RBM33: variants seen among roughly 807,000 people sequenced by gnomAD.
The protein encoded by RBM33 is RNA binding motif protein 33.
Under a neutral mutation model 132.6 loss-of-function variants are expected in RBM33, and 28 were observed. The observed-to-expected ratio is 0.21, with a 90% confidence interval of 0.16 to 0.29. The LOEUF is 0.29. Among genes scored for constraint, RBM33 ranks in the 10% least tolerant of loss-of-function variants. RBM33 has a pLI of 1.00. For missense variants in RBM33, 1,291 were observed against 1,518.5 expected, an observed-to-expected ratio of 0.85 and a Z score of 2.49; for synonymous variants, 634 against 593.0, an observed-to-expected ratio of 1.07 and a Z score of -1.01.
chr7:155,759,668 C>T (rs189803118), intron 14 of RBM33, among the ~76,000 whole-genome samples: 1 of 152,284 alleles, frequency 6.6e-6, no homozygotes, highest in African/African-American at 2.4e-5. Context: ...ATCCACCCGC[C>T]TCGGCCTCCC....
In RBM33 at chr7:155,737,668, G is replaced by A; in HGVS notation, c.1393+6G>A. ...AGACCCTTTCTTCTTAGGAGGTACAGAAAGAGTGAGTGGTGTGGAGTAACA... is the reference window on the plus strand; with the variant it reads ...AGACCCTTTCTTCTTAGGAGGTACAAAAAGAGTGAGTGGTGTGGAGTAACA... On this transcript the variant is annotated splice_donor_region_variant and intron_variant, in intron 10 of 17. Transcript: ENST00000401878. 6.4e-7 allele frequency: 1 copy of A among 1,572,284 alleles called. No homozygotes were observed. The highest frequency in any genetic ancestry group is 1.2e-5 in the South Asian group (1 of 83,208).
intron 14 of RBM33, among the ~76,000 whole-genome samples, chr7:155,757,663 GTA>G (rs1333710670): frequency 6.6e-6 from 1 of 152,164 alleles, no homozygotes; most frequent in African/African-American, 2.4e-5. Context: ...TTAGGGAGGT[GTA>G]TTAGGCAGTT....
intron 10 of RBM33, 80 bp downstream of exon 10, chr7:155,737,742 T>G: frequency 7.2e-7 from 1 of 1,389,096 alleles, no homozygotes; most frequent in Non-Finnish European, 9.6e-7. Flanking sequence ...TTTTGTAAAC[T>G]GAATTGAACT....
chr7:155,711,298 G>A lies in RBM33; in HGVS notation c.1044G>A (p.Gln348=), dbSNP rs533103882. ...PQPLQPLLPV[Q]HPHHPSPPQG... is the part of the protein sequence containing the mutation. ...CGCTGCAGCCGCTGCTTCCGGTGCA[G>A]CACCCGCACCACCCATCCCCGCCTC... is the stretch of plus-strand genomic sequence containing the variant. The change falls in exon 8 of 18, where the codon CAG becomes CAA. Residue 348 remains glutamine, a synonymous_variant. Transcript: ENST00000401878. 1.9e-5 allele frequency: 31 copies of A among 1,606,886 alleles called. No homozygotes were observed. The African/African-American group carries it at 3.4e-4, about 17-fold the overall frequency.
chr7:155,759,959 G>A (rs1202657024), intron 14 of RBM33, among the ~76,000 whole-genome samples: 2 of 152,186 alleles, frequency 1.3e-5, no homozygotes, highest in Non-Finnish European at 2.9e-5. Context: ...GACACTTCAT[G>A]TTGCTGGGCT....
In RBM33 at chr7:155,724,988, G is replaced by GTTTTTTTTTT. The variant is rs148975210; in HGVS notation, c.1260+6548_1260+6549insTTTTTTTTTT. Among the ~76,000 whole-genome samples the GTTTTTTTTTT allele has an allele frequency of 1.4e-3, 169 of 117,206 alleles. 1 individual carries two copies. The highest frequency in any genetic ancestry group is 6.8e-3 in the African/African-American group (165 of 24,268). 76.9% of individuals were successfully genotyped at this position (117,206 alleles called of 152,430 possible). A position where few individuals can be genotyped will look rare whatever the true frequency, so the allele number is the denominator to read the frequency against. On this transcript the variant is annotated intron_variant, in intron 9 of 17. Transcript: ENST00000401878. ...AGTTGCTGTAAACATTTGTGTACAG[G>GTTTTTTTTTT]TTTGTGTGTGTGTGTGTGTGTGTGT...
chr7:155,706,380 G>A (rs2116968094), intron 6 of RBM33, among the ~76,000 whole-genome samples: 1 of 152,296 alleles, frequency 6.6e-6, no homozygotes, highest in Middle Eastern at 3.4e-3. Flanking sequence ...TGTAGTCCCA[G>A]CTACTTGGGA....
chr7:155,691,552 A>T (rs115109808), intron 5 of RBM33, among the ~76,000 whole-genome samples: 87 of 152,254 alleles, frequency 5.7e-4, no homozygotes, highest in African/African-American at 1.8e-3. Flanking sequence ...TAATATTTGT[A>T]GCATATCTTA....
At chr7:155,761,537 T>G (rs11767952) in intron 14 of RBM33, among the ~76,000 whole-genome samples, 10,369 of 152,310 alleles carry the variant, frequency 0.068, 566 homozygotes, top group African/African-American at 0.15. Context: ...TGTGTCTCGT[T>G]GAATTTGCTC....
At position 155,778,904 on chromosome 7, in the gene RBM33, G is replaced by A; in HGVS notation, c.*3863G>A. On this transcript the variant is annotated 3_prime_UTR_variant, in exon 18 of 18. Coordinates refer to ENST00000401878, the MANE Select transcript of RBM33 (RefSeq NM_053043.3). The surrounding 1 kb of genome is among the most constrained non-coding windows in gnomAD (Gnocchi z 4.0). ...GACAAGGAGGTCAGCGTGTGTGATGGCAGCATGCTGTGCCGGCACATCGTG... is the reference window on the plus strand; with the variant it reads ...GACAAGGAGGTCAGCGTGTGTGATGACAGCATGCTGTGCCGGCACATCGTG... 1 of 153,166 alleles carries A rather than the reference G, an allele frequency of 6.5e-6. No individual in the cohort carries two copies. The allele number at this position is 153,166 out of a possible 1,614,324, so 9.5% of individuals were successfully genotyped here.
intron 9 of RBM33, among the ~76,000 whole-genome samples, chr7:155,737,245 C>CATAT (rs35173349): frequency 2.0e-5 from 3 of 149,154 alleles, no homozygotes; most frequent in Admixed American, 2.0e-4. Flanking sequence ...TCTAGGTGCG[C>CATAT]GTGTGTGTGT....
chr7:155,731,004 T>TTTC (rs59411221), intron 9 of RBM33, among the ~76,000 whole-genome samples: 49,912 of 151,922 alleles, frequency 0.33, 10,969 homozygotes, highest in African/African-American at 0.63. Flanking sequence ...AGTCTTTGAG[T>TTTC]TTCTTCTAAT....
intron 6 of RBM33, among the ~76,000 whole-genome samples, chr7:155,703,360 T>C (rs1800020989): frequency 6.6e-6 from 1 of 152,130 alleles, no homozygotes; most frequent in Non-Finnish European, 1.5e-5. Context: ...CTTGGAATTA[T>C]GGGGGAAGAG....
chr7:155,688,646 G>T (rs932751064), intron 5 of RBM33, among the ~76,000 whole-genome samples: 1 of 152,106 alleles, frequency 6.6e-6, no homozygotes, highest in Non-Finnish European at 1.5e-5. Flanking sequence ...TTTGAGATAC[G>T]TCCCATCAAT....
chr7:155,761,942 A>G (rs1440841653), intron 14 of RBM33, among the ~76,000 whole-genome samples: 1 of 151,908 alleles, frequency 6.6e-6, no homozygotes, highest in African/African-American at 2.4e-5. Context: ...GATGTGTTGT[A>G]TTTTTGTTTC....
chr7:155,767,502 A>G (rs1802264803), intron 16 of RBM33, among the ~76,000 whole-genome samples: 2 of 152,222 alleles, frequency 1.3e-5, no homozygotes, highest in Non-Finnish European at 2.9e-5. Flanking sequence ...TCATGGGTGG[A>G]TTTGGAAACA....
chr7:155,749,326 T>C (rs1044936697), intron 14 of RBM33, among the ~76,000 whole-genome samples: 4 of 152,196 alleles, frequency 2.6e-5, no homozygotes, highest in South Asian at 4.1e-4. Flanking sequence ...GTGTTTAGCA[T>C]GTACTCACAA....
chr7:155,742,354 G>A (rs142140448), intron 13 of RBM33, among the ~76,000 whole-genome samples: 275 of 151,704 alleles, frequency 1.8e-3, no homozygotes, highest in African/African-American at 6.0e-3. Flanking sequence ...GATATATACC[G>A]GGGCTTAACA....
rs34693646 is a variant in RBM33 at position 155,651,582 on chromosome 7, C to CAAAAAAAA, written c.43+6676_43+6683dup. 4.2e-5 allele frequency among the ~76,000 whole-genome samples: 4 copies of CAAAAAAAA among 94,568 alleles called. 2 individuals are homozygous for CAAAAAAAA. Among genetic ancestry groups the CAAAAAAAA allele is most frequent in the African/African-American group, 8.9e-5 (2 of 22,530 alleles). 62.0% of individuals were successfully genotyped at this position (94,568 alleles called of 152,430 possible). ...GCAACAGGGAAACTCTTTGTCTCACCAAAAAAAAAAAAAAAAAAAAGGGTC... is the reference window on the plus strand; with the variant it reads ...GCAACAGGGAAACTCTTTGTCTCACCAAAAAAAAAAAAAAAAAAAAAAAAAAAAGGGTC... On this transcript the variant is annotated intron_variant, in intron 1 of 17. Transcript: ENST00000401878.
Sources: allele counts gnomAD v4.1 joint callset (sites outside exome capture counted in the v4.1 genomes callset), GRCh38; gene constraint gnomAD v4.1.1; non-coding constraint Gnocchi (gnomAD v3.1); transcripts MANE v1.5; gene names NCBI Gene and HGNC (gene_info 2026-07-23, HGNC 2026-07-21).